PCDHA11: variants seen among roughly 807,000 people sequenced by gnomAD.
The protein encoded by PCDHA11 is protocadherin alpha 11.
A neutral mutation model predicts 70.3 loss-of-function variants in PCDHA11; 61 were observed. The ratio of observed to expected loss-of-function variants is 0.87; its 90% CI spans 0.71 to 1.07. PCDHA11 has a LOEUF of 1.07. Among genes scored for constraint, PCDHA11 ranks in the 50% least tolerant of loss-of-function variants. The probability of loss-of-function intolerance (pLI) is 0.00; values close to 1 mark genes in which losing one functional copy is unlikely to be tolerated. For missense variants in PCDHA11, 1,324 were observed against 1,237.5 expected (o/e 1.07, Z -1.05); for synonymous variants, 633 against 555.1 (o/e 1.14, Z -1.97).
chr5:140,876,853 A>G, intron 1 of PCDHA11: 1 of 1,614,094 alleles, frequency 6.2e-7, no homozygotes. Context: ...GCCCGAGTAC[A>G]CAGTGTTCGT....
rs782226531 is a variant in PCDHA11, at chr5:140,928,688, A to G, written c.2392-50261A>G. 6 of 1,614,004 alleles carry G rather than the reference A, an allele frequency of 3.7e-6. No homozygotes were observed. The African/African-American group carries it at 4.0e-5, about 11-fold the overall frequency. The stretch of plus-strand genomic sequence containing the variant: ...GGTTCTAATGCCTGGCTTTCCTACC[A>G]CATCTCCCGGGCGTCTGACTCTAGT... On this transcript the variant is annotated intron_variant, in intron 1 of 3. Transcript: ENST00000398640.
At chr5:140,876,906 G>C (rs782762108) in intron 1 of PCDHA11, 10 of 1,613,910 alleles carry the variant, frequency 6.2e-6, no homozygotes, top group Middle Eastern at 3.3e-4. Flanking sequence ...TCACGGTGTC[G>C]GCATGGGACG....
intron 1 of PCDHA11, among the ~76,000 whole-genome samples, chr5:140,920,082 C>T (rs567545861): frequency 2.0e-5 from 3 of 152,248 alleles, no homozygotes; most frequent in East Asian, 1.9e-4. Context: ...ACAGATTCTC[C>T]GTAGAGCCTC....
intron 3 of PCDHA11, among the ~76,000 whole-genome samples, chr5:141,005,701 CAAAAAAAAAAAAAAAAA>C (rs59860837): frequency 2.6e-4 from 2 of 7,786 alleles, no homozygotes; most frequent in East Asian, 6.3e-3. Flanking sequence ...AACTCCGTCT[CAAAAAAAAAAAAAAAAA>C]AAAAAAAAAA....
chr5:140,951,021 G>A (rs960559037), intron 1 of PCDHA11, among the ~76,000 whole-genome samples: 1 of 151,932 alleles, frequency 6.6e-6, no homozygotes, highest in Non-Finnish European at 1.5e-5. Context: ...CAGGCAGTGA[G>A]TTTTAATTTC....
At chr5:141,006,390 T>G (rs539931677) in intron 3 of PCDHA11, among the ~76,000 whole-genome samples, 149 of 152,058 alleles carry the variant, frequency 9.8e-4, no homozygotes, top group African/African-American at 3.0e-3. Context: ...TTTTTTCTAT[T>G]TTTTAGTAGA....
chr5:140,992,369 A>G (rs1554252849), intron 3 of PCDHA11, among the ~76,000 whole-genome samples: 1 of 152,188 alleles, frequency 6.6e-6, no homozygotes, highest in Non-Finnish European at 1.5e-5. Context: ...AATGGTTCCC[A>G]TTACATTATT....
intron 1 of PCDHA11, among the ~76,000 whole-genome samples, chr5:140,897,173 G>A (rs1212341088): frequency 6.6e-6 from 1 of 151,926 alleles, no homozygotes; most frequent in East Asian, 1.9e-4. Context: ...CTATCTCCAT[G>A]GGTTCAAAAA....
At chr5:140,982,092 G>A (rs984553109) in intron 2 of PCDHA11, among the ~76,000 whole-genome samples, 1 of 152,218 alleles carries the variant, frequency 6.6e-6, no homozygotes, top group African/African-American at 2.4e-5. Context: ...CTAGGAACAA[G>A]AGAACCTGCA....
At chr5:140,901,207 T>C (rs894216497) in intron 1 of PCDHA11, among the ~76,000 whole-genome samples, 1 of 152,206 alleles carries the variant, frequency 6.6e-6, no homozygotes, top group Non-Finnish European at 1.5e-5. Context: ...AGAAGGTTTT[T>C]AAGTTGATGT....
chr5:140,870,674 A>G lies in PCDHA11; in HGVS notation c.1571A>G (p.His524Arg), dbSNP rs893862947. ...GKVYALQPLD[H>R]EELELLQFQV... ...GTGTACGCGCTGCAGCCGTTGGACC[A>G]CGAGGAGCTGGAGCTGCTACAGTTC... is the stretch of plus-strand genomic sequence containing the variant. The change falls in exon 1 of 4, where the codon CAC becomes CGC. Residue 524 changes from histidine (H) to arginine (R), a missense_variant. Coordinates refer to ENST00000398640, the MANE Select transcript of PCDHA11 (RefSeq NM_018902.5). 7.4e-6 allele frequency: 12 copies of G among 1,612,566 alleles called. No individual in the cohort carries two copies. The highest frequency in any genetic ancestry group is 6.7e-5 in the Admixed American group (4 of 59,994).
At chr5:140,883,642 C>T (rs200197885) in intron 1 of PCDHA11, 1 of 1,613,904 alleles carries the variant, frequency 6.2e-7, no homozygotes, top group South Asian at 1.1e-5. Context: ...TCGCGCAGCC[C>T]GAGTACACGG....
At chr5:140,918,584 A>G (rs1296882763) in intron 1 of PCDHA11, among the ~76,000 whole-genome samples, 1 of 152,212 alleles carries the variant, frequency 6.6e-6, no homozygotes, top group Non-Finnish European at 1.5e-5. Context: ...TATTGGCTAT[A>G]TGTTCTATAG....
intron 1 of PCDHA11, among the ~76,000 whole-genome samples, chr5:140,888,764 T>G (rs74654123): frequency 6.6e-6 from 1 of 152,068 alleles, no homozygotes; most frequent in Non-Finnish European, 1.5e-5. Flanking sequence ...CTTTTTTTTT[T>G]AATTTTGAAG....
intron 3 of PCDHA11, among the ~76,000 whole-genome samples, chr5:141,002,380 G>T (rs1284047266): frequency 2.0e-5 from 3 of 152,196 alleles, no homozygotes; most frequent in Non-Finnish European, 2.9e-5. Context: ...CTGGCTTAGG[G>T]CTCCTGCTGG....
intron 1 of PCDHA11, chr5:140,929,567 A>G (rs566554100): frequency 7.2e-5 from 33 of 456,594 alleles, no homozygotes; most frequent in Admixed American, 1.2e-4. Flanking sequence ...ATTTAAGAAC[A>G]ATAAAAGTAA....
intron 1 of PCDHA11, among the ~76,000 whole-genome samples, chr5:140,879,606 G>A (rs1554170878): frequency 6.6e-6 from 1 of 152,196 alleles, no homozygotes; most frequent in Non-Finnish European, 1.5e-5. Context: ...AAAACAATGT[G>A]TCCAGGTACT....
At chr5:140,882,702 C>T (rs2059269414) in intron 1 of PCDHA11, 1 of 1,614,098 alleles carries the variant, frequency 6.2e-7, no homozygotes, top group African/African-American at 1.3e-5. Flanking sequence ...ATTGCAGAAT[C>T]TAGACCTCCG....
intron 1 of PCDHA11, among the ~76,000 whole-genome samples, chr5:140,896,499 A>G (rs1029698205): frequency 6.6e-6 from 1 of 150,502 alleles, no homozygotes; most frequent in African/African-American, 2.4e-5. Flanking sequence ...AGTAGCTGGG[A>G]CTGTGCAGGC....
Sources: allele counts gnomAD v4.1 joint callset (sites outside exome capture counted in the v4.1 genomes callset), GRCh38; gene constraint gnomAD v4.1.1; transcripts MANE v1.5; gene names NCBI Gene and HGNC (gene_info 2026-07-23, HGNC 2026-07-21).